Variants in NFATC2 observed in about 807,000 individuals in gnomAD.
The protein encoded by NFATC2 is nuclear factor of activated T cells 2.
Under a neutral mutation model 87.3 loss-of-function variants are expected in NFATC2, and 22 were observed. That is an observed-to-expected ratio of 0.25 (90% CI 0.18 to 0.36). NFATC2 has a LOEUF of 0.36. NFATC2 is among the 10% of genes least tolerant of loss of function. NFATC2 has a pLI of 1.00. For missense variants in NFATC2, 1,149 were observed against 1,259.1 expected (o/e 0.91, Z 1.32); for synonymous variants, 565 against 542.2 (o/e 1.04, Z -0.58).
chr20:51,478,161 C>T (rs555499199), intron 3 of NFATC2, among the ~76,000 whole-genome samples: 3 of 152,330 alleles, frequency 2.0e-5, no homozygotes, highest in East Asian at 1.9e-4. Flanking sequence ...GTCTGACACA[C>T]ACCTGAGAGG....
At chr20:51,558,838 C>T (rs2076999317) in intron 1 of NFATC2, among the ~76,000 whole-genome samples, 1 of 152,146 alleles carries the variant, frequency 6.6e-6, no homozygotes, top group African/African-American at 2.4e-5. Flanking sequence ...AGTGAAGTAA[C>T]TCATACAAGT....
At chr20:51,543,683 G>A (rs982962113), upstream of NFATC2, among the ~76,000 whole-genome samples, 2 of 152,188 alleles carry the variant, frequency 1.3e-5, no homozygotes, top group Non-Finnish European at 2.9e-5. Flanking sequence ...GATTCCATAA[G>A]TCTGAATACA....
intron 1 of NFATC2, among the ~76,000 whole-genome samples, chr20:51,531,451 G>A (rs2076632341): frequency 6.6e-6 from 1 of 152,230 alleles, no homozygotes; most frequent in South Asian, 2.1e-4. Context: ...AATATGTGGA[G>A]AAATCTCTGG....
chr20:51,457,974 C>A (rs1180993304), intron 5 of NFATC2, among the ~76,000 whole-genome samples: 2 of 151,328 alleles, frequency 1.3e-5, no homozygotes, highest in African/African-American at 4.9e-5. Flanking sequence ...CAGCCTCTGC[C>A]TCCTGGGCTC....
At chr20:51,530,553 A>C (rs911875337) in intron 1 of NFATC2, among the ~76,000 whole-genome samples, 1 of 152,156 alleles carries the variant, frequency 6.6e-6, no homozygotes, top group Non-Finnish European at 1.5e-5. Flanking sequence ...TCACTGGTGG[A>C]CCACCTAAAA....
At chr20:51,457,618 CA>C (rs1443409191) in intron 5 of NFATC2, among the ~76,000 whole-genome samples, 1 of 147,058 alleles carries the variant, frequency 6.8e-6, no homozygotes, top group Non-Finnish European at 1.5e-5. Context: ...TTTAAAGAGA[CA>C]GAAAAAAGAG....
chr20:51,513,113 A>G (rs1194595446), intron 3 of NFATC2, among the ~76,000 whole-genome samples: 2 of 152,230 alleles, frequency 1.3e-5, no homozygotes, highest in South Asian at 2.1e-4. Flanking sequence ...GACTTTTTAA[A>G]AAGACTCCAC....
chr20:51,547,147 T>C (rs1244697387), upstream of NFATC2, among the ~76,000 whole-genome samples: 1 of 152,114 alleles, frequency 6.6e-6, no homozygotes, highest in Non-Finnish European at 1.5e-5. Context: ...CTGGGTTCTC[T>C]GAGGATGAGA....
At position 51,402,938 on chromosome 20, in the gene NFATC2, C is replaced by T. The variant is rs572872872; in HGVS notation, c.2723-4208G>A. On this transcript the variant is annotated intron_variant, in intron 9 of 10. Coordinates refer to ENST00000371564, the MANE Select transcript of NFATC2 (RefSeq NM_012340.5). Reference sequence around the variant, plus strand: ...ATTCACTGGATATTTATTGAATTTCCAGTCCAGTCTCCATCTCGCCCTCCC... The same window carrying T: ...ATTCACTGGATATTTATTGAATTTCTAGTCCAGTCTCCATCTCGCCCTCCC... Among the ~76,000 whole-genome samples the T allele has an allele frequency of 1.1e-4, 17 of 152,304 alleles. 1 individual carries two copies. The South Asian group carries it at 3.5e-3, about 32-fold the overall frequency.
chr20:51,469,722 G>C (rs1005969482), intron 5 of NFATC2, among the ~76,000 whole-genome samples: 8 of 152,148 alleles, frequency 5.3e-5, no homozygotes, highest in Non-Finnish European at 7.4e-5. Flanking sequence ...TGCAGACAGA[G>C]GCAGAGACTG....
At chr20:51,412,936 G>A (rs1979462224) in intron 9 of NFATC2, among the ~76,000 whole-genome samples, 1 of 148,924 alleles carries the variant, frequency 6.7e-6, no homozygotes, top group Admixed American at 6.7e-5. Context: ...AGCACAGGAT[G>A]AGGCCGCCGA....
chr20:51,481,156 T>C (rs145637234), intron 3 of NFATC2, among the ~76,000 whole-genome samples: 42 of 152,298 alleles, frequency 2.8e-4, no homozygotes, highest in African/African-American at 9.9e-4. Flanking sequence ...GGAAGAGCCT[T>C]CCTCGCCAGG....
At chr20:51,439,470 T>C (rs1163603937) in intron 6 of NFATC2, among the ~76,000 whole-genome samples, 1 of 152,176 alleles carries the variant, frequency 6.6e-6, no homozygotes, top group African/African-American at 2.4e-5. Context: ...AGCTCCTCCA[T>C]CTAGTTCCTC....
At chr20:51,527,123 A>G (rs6096462) in intron 1 of NFATC2, among the ~76,000 whole-genome samples, 8,598 of 149,150 alleles carry the variant, frequency 0.058, 271 homozygotes, top group Middle Eastern at 0.095. Context: ...CTAGTCTCCA[A>G]CTCCTGAGCT....
chr20:51,459,896 A>C (rs1272124566), intron 5 of NFATC2, among the ~76,000 whole-genome samples: 1 of 152,126 alleles, frequency 6.6e-6, no homozygotes, highest in Non-Finnish European at 1.5e-5. Flanking sequence ...CAAACAAAGA[A>C]ACAAAACAAA....
intron 5 of NFATC2, among the ~76,000 whole-genome samples, chr20:51,473,242 C>T (rs1988401977): frequency 6.6e-6 from 1 of 152,120 alleles, no homozygotes; most frequent in Non-Finnish European, 1.5e-5. Context: ...CTCATTAAGG[C>T]CAGAGAAAGT....
At chr20:51,404,809 TG>T (rs1988398012) in intron 9 of NFATC2, among the ~76,000 whole-genome samples, 5 of 152,206 alleles carry the variant, frequency 3.3e-5, no homozygotes, top group Admixed American at 6.5e-5. Flanking sequence ...CAGACAGCTT[TG>T]GGCCGGCGAC....
At chr20:51,479,790 C>G (rs1220833295) in intron 3 of NFATC2, among the ~76,000 whole-genome samples, 2 of 152,200 alleles carry the variant, frequency 1.3e-5, no homozygotes, top group East Asian at 3.9e-4. Flanking sequence ...GGTCTGGCAA[C>G]TTGTCCCAGT....
intron 1 of NFATC2, among the ~76,000 whole-genome samples, chr20:51,537,207 T>TG (rs924800396): frequency 3.2e-5 from 2 of 62,012 alleles, no homozygotes; most frequent in African/African-American, 1.3e-4. Flanking sequence ...CAAAAGCACG[T>TG]GGGGGGATAT....
Sources: gnomAD v4.1 joint callset for allele counts (sites outside exome capture counted in the v4.1 genomes callset) on GRCh38, gnomAD v4.1.1 for gene constraint, MANE v1.5 for transcripts, NCBI Gene and HGNC (gene_info 2026-07-23, HGNC 2026-07-21) for gene names.